CLYBL: variants seen among roughly 807,000 people sequenced by gnomAD.
CLYBL encodes the protein citramalyl-CoA lyase, mitochondrial.
In CLYBL, 31 loss-of-function variants were observed where a neutral mutation model predicts 38.9. The ratio of observed to expected loss-of-function variants is 0.80; its 90% CI spans 0.60 to 1.08. The LOEUF is 1.08. Among genes scored for constraint, CLYBL ranks in the 50% least tolerant of loss-of-function variants. CLYBL has a pLI of 0.00. For missense variants in CLYBL, 434 were observed against 411.6 expected, an observed-to-expected ratio of 1.05 and a Z score of -0.47; for synonymous variants, 171 against 158.6, an observed-to-expected ratio of 1.08 and a Z score of -0.59.
chr13:99,873,695 C>G (rs2051966905), intron 7 of CLYBL, among the ~76,000 whole-genome samples: 1 of 146,896 alleles, frequency 6.8e-6, no homozygotes, highest in Non-Finnish European at 1.5e-5. Context: ...AAAGGTATAG[C>G]TGAAGTTCAC....
chr13:99,816,304 T>C, intron 2 of CLYBL, among the ~76,000 whole-genome samples: 1 of 152,218 alleles, frequency 6.6e-6, no homozygotes, highest in East Asian at 1.9e-4. Context: ...AGATATCTGT[T>C]TTCCAAGATG....
chr13:99,905,068 A>T (rs2052681806), intron 8 of CLYBL, among the ~76,000 whole-genome samples: 1 of 150,778 alleles, frequency 6.6e-6, no homozygotes, highest in East Asian at 2.0e-4. Context: ...TCTCAGAGGG[A>T]AAGGGGGTGC....
chr13:99,785,225 T>A (rs1037695741), intron 2 of CLYBL, among the ~76,000 whole-genome samples: 26 of 83,910 alleles, frequency 3.1e-4, no homozygotes, highest in Middle Eastern at 8.5e-3. Context: ...TTTTTTTTTT[T>A]AAAGACAGGG....
intron 1 of CLYBL, among the ~76,000 whole-genome samples, chr13:99,692,732 T>C (rs1385373521): frequency 2.0e-5 from 3 of 152,208 alleles, no homozygotes; most frequent in African/African-American, 7.2e-5. Flanking sequence ...TCACTCCCTA[T>C]GCACCCCTCT....
At chr13:99,890,590 C>T (rs539201135) in intron 7 of CLYBL, among the ~76,000 whole-genome samples, 41 of 152,222 alleles carry the variant, frequency 2.7e-4, no homozygotes, top group African/African-American at 4.8e-4. Flanking sequence ...CTCAGCCTCC[C>T]GAGTAGCTGG....
chr13:99,836,017 A>T (rs1006082286), intron 2 of CLYBL, among the ~76,000 whole-genome samples: 1 of 152,322 alleles, frequency 6.6e-6, no homozygotes, highest in Admixed American at 6.5e-5. Flanking sequence ...AGAGAGGTGG[A>T]TTTCAGGGCT....
chr13:99,656,886 C>T (rs2047338294), intron 1 of CLYBL, among the ~76,000 whole-genome samples: 2 of 152,186 alleles, frequency 1.3e-5, no homozygotes, highest in African/African-American at 4.8e-5. Flanking sequence ...GGAGGAGGGA[C>T]AGACAGGAAA....
At chr13:99,626,045 A>G (rs960864003) in intron 1 of CLYBL, among the ~76,000 whole-genome samples, 1 of 152,232 alleles carries the variant, frequency 6.6e-6, no homozygotes, top group African/African-American at 2.4e-5. Flanking sequence ...TCAAGTGGCC[A>G]GTGCAGTACC....
intron 4 of CLYBL, among the ~76,000 whole-genome samples, chr13:99,863,503 G>C (rs910460393): frequency 2.6e-5 from 4 of 152,180 alleles, no homozygotes; most frequent in African/African-American, 9.6e-5. Flanking sequence ...TGCCCTCTCT[G>C]TAGCAACATT....
intron 2 of CLYBL, among the ~76,000 whole-genome samples, chr13:99,802,638 G>A (rs1036394297): frequency 6.6e-6 from 1 of 152,170 alleles, no homozygotes; most frequent in Non-Finnish European, 1.5e-5. Flanking sequence ...ATGAATGAGT[G>A]ACTCCATAAA....
chr13:99,908,292 G>C (rs2052717389), exon 10 of CLYBL, among the ~76,000 whole-genome samples: 1 of 152,166 alleles, frequency 6.6e-6, no homozygotes. Flanking sequence ...ACCTGGACCT[G>C]GTGTGAAGGG....
intron 1 of CLYBL, among the ~76,000 whole-genome samples, chr13:99,768,494 C>CTTTTT (rs779750350): frequency 3.5e-5 from 3 of 84,890 alleles, no homozygotes; most frequent in East Asian, 3.2e-4. Flanking sequence ...CGCCCGACCT[C>CTTTTT]TTTTTTTTTT....
At position 99,653,993 on chromosome 13, in the gene CLYBL, C is replaced by T. The variant is rs757654447; in HGVS notation, c.62+47236C>T. Among the ~76,000 whole-genome samples, 7 of 152,186 alleles carry T rather than the reference C, an allele frequency of 4.6e-5. No individual in the cohort carries two copies. In the South Asian group the frequency reaches 8.3e-4, roughly 18 times the overall value. On this transcript the variant is annotated intron_variant, in intron 1 of 8. Transcript: ENST00000339105. Reference sequence around the variant, plus strand: ...TGGTTAGGTGGTGCAGGGCTGATAACGATGGCTCAGTGAGGTCTCAGGCTC... The same window carrying T: ...TGGTTAGGTGGTGCAGGGCTGATAATGATGGCTCAGTGAGGTCTCAGGCTC...
At chr13:99,627,597 ATTTT>A (rs1249162488) in intron 1 of CLYBL, among the ~76,000 whole-genome samples, 1 of 152,068 alleles carries the variant, frequency 6.6e-6, no homozygotes, top group Non-Finnish European at 1.5e-5. Flanking sequence ...TGAATTTGAA[ATTTT>A]TTTTAAGTTT....
intron 1 of CLYBL, among the ~76,000 whole-genome samples, chr13:99,644,817 G>A (rs2047152993): frequency 6.6e-6 from 1 of 152,156 alleles, no homozygotes; most frequent in Admixed American, 6.5e-5. Context: ...ATGTCCTCCA[G>A]TTCCATCCAT....
chr13:99,707,566 C>G (rs2048165594), intron 1 of CLYBL, among the ~76,000 whole-genome samples: 1 of 152,110 alleles, frequency 6.6e-6, no homozygotes, highest in Non-Finnish European at 1.5e-5. Flanking sequence ...GCCATTGCAC[C>G]CAGCCTGGAT....
At chr13:99,783,650 T>G (rs1468553157) in intron 2 of CLYBL, among the ~76,000 whole-genome samples, 2 of 152,034 alleles carry the variant, frequency 1.3e-5, no homozygotes, top group South Asian at 2.1e-4. Context: ...TTTCACCTTG[T>G]TAACGAGGAT....
At chr13:99,886,024 A>G (rs930451117) in intron 7 of CLYBL, among the ~76,000 whole-genome samples, 14 of 152,212 alleles carry the variant, frequency 9.2e-5, no homozygotes, top group Non-Finnish European at 1.5e-5. Flanking sequence ...CCAGTCATTC[A>G]TTCATTGAGC....
chr13:99,621,458 G>A (rs933310079), intron 1 of CLYBL, among the ~76,000 whole-genome samples: 4 of 152,038 alleles, frequency 2.6e-5, no homozygotes, highest in African/African-American at 9.7e-5. Context: ...GCTGACTTTT[G>A]TCACCCTTCC....
Sources: allele counts gnomAD v4.1 joint callset (sites outside exome capture counted in the v4.1 genomes callset), GRCh38; gene constraint gnomAD v4.1.1; transcripts MANE v1.5; gene names NCBI Gene and HGNC (gene_info 2026-07-23, HGNC 2026-07-21).